ZFAND4: variants seen among roughly 807,000 people sequenced by gnomAD.
ZFAND4 encodes zinc finger AN1-type containing 4.
A neutral mutation model predicts 64.4 loss-of-function variants in ZFAND4; 43 were observed. The ratio of observed to expected loss-of-function variants is 0.67; its 90% CI spans 0.52 to 0.86. ZFAND4 has a LOEUF of 0.86. Among genes scored for constraint, ZFAND4 ranks in the 40% least tolerant of loss-of-function variants. The pLI, the probability that ZFAND4 is intolerant of heterozygous loss-of-function variation, is 0.00. For missense variants in ZFAND4, 929 were observed against 859.8 expected (o/e 1.08, Z -1.01); for synonymous variants, 296 against 305.7 (o/e 0.97, Z 0.33).
chr10:45,623,181 G>A (rs2045556557), intron 8 of ZFAND4, among the ~76,000 whole-genome samples: 1 of 152,222 alleles, frequency 6.6e-6, no homozygotes, highest in East Asian at 1.9e-4. Context: ...AATGAAACAT[G>A]GTACAGCAAC....
At chr10:45,625,626 T>C (rs970216252) in intron 7 of ZFAND4, among the ~76,000 whole-genome samples, 1 of 151,144 alleles carries the variant, frequency 6.6e-6, no homozygotes, top group Non-Finnish European at 1.5e-5. Context: ...TGTATTGGCA[T>C]GTTCCTATAT....
chr10:45,651,298 T>C (rs17157941), intron 4 of ZFAND4: 11,160 of 225,014 alleles, frequency 0.05, 437 homozygotes, highest in African/African-American at 0.12. Flanking sequence ...TGTCATCTTT[T>C]TCGAGGGCCC....
chr10:45,647,425 T>G (rs1297864917), intron 5 of ZFAND4, among the ~76,000 whole-genome samples: 3 of 92,672 alleles, frequency 3.2e-5, no homozygotes, highest in Non-Finnish European at 7.1e-5. Flanking sequence ...CTACAAGCTG[T>G]TTTTTTTTTT....
intron 1 of ZFAND4, among the ~76,000 whole-genome samples, chr10:45,667,660 G>A (rs957094890): frequency 6.6e-6 from 1 of 151,956 alleles, no homozygotes; most frequent in African/African-American, 2.4e-5. Flanking sequence ...GTAGAGACAA[G>A]GTTTTACCAA....
chr10:45,657,675 T>C (rs1448419284), intron 2 of ZFAND4, among the ~76,000 whole-genome samples: 1 of 152,086 alleles, frequency 6.6e-6, no homozygotes, highest in African/African-American at 2.4e-5. Context: ...CACCAAAAAC[T>C]AAAAACCACC....
chr10:45,672,652 G>T lies in ZFAND4; in HGVS notation c.-520C>A, dbSNP rs1445949221. The T allele has an allele frequency of 6.6e-6, 1 of 151,930 alleles. No homozygotes were observed. Among genetic ancestry groups the T allele is most frequent in the Non-Finnish European group, 1.5e-5 (1 of 67,938 alleles). The allele number at this position is 151,930 out of a possible 1,614,324, so 9.4% of individuals were successfully genotyped here. A position where few individuals can be genotyped will look rare whatever the true frequency, so the allele number is the denominator to read the frequency against. ...GGCTCGCAGCCCGGGCGCCCCCCCT[G>T]CCGGCCGCTCGCTAGCTCAGCCTCA... On this transcript the variant is annotated 5_prime_UTR_variant, in exon 1 of 10. Coordinates refer to ENST00000344646, the MANE Select transcript of ZFAND4 (RefSeq NM_174890.4).
chr10:45,641,404 A>G (rs2046988956), intron 5 of ZFAND4, among the ~76,000 whole-genome samples: 1 of 152,246 alleles, frequency 6.6e-6, no homozygotes, highest in Non-Finnish European at 1.5e-5. Context: ...TAAGAAATGG[A>G]AACAATTTAG....
At chr10:45,670,383 C>T (rs183822368) in intron 1 of ZFAND4, among the ~76,000 whole-genome samples, 54 of 152,128 alleles carry the variant, frequency 3.5e-4, no homozygotes, top group African/African-American at 8.2e-4. Context: ...TGTGCCACCA[C>T]GCCCGGCTAA....
chr10:45,627,026 TG>T lies in ZFAND4; in HGVS notation c.796del (p.His266ThrfsTer4), dbSNP rs2045882651. On this transcript the variant is annotated frameshift_variant, in exon 7 of 10. Transcript: ENST00000344646. LOFTEE classifies it high-confidence loss of function. ...GTTGGGGAGGACCCTTAACAATCGGTGGCGAGATGGTGCAGTGGAACCACTA... is the reference window on the plus strand; with the variant it reads ...GTTGGGGAGGACCCTTAACAATCGGTGCGAGATGGTGCAGTGGAACCACTA... ...PSSGSTAPSR[H>X]RLLRVLPNIG... 6.2e-7 allele frequency: 1 copy of T among 1,606,502 alleles called. No individual in the cohort carries two copies. The highest frequency in any genetic ancestry group is 2.2e-5 in the East Asian group (1 of 44,822).
In ZFAND4 at chr10:45,626,409, A is replaced by G. The variant is rs1401533916; in HGVS notation, c.1414T>C (p.Leu472=). ...GGTGCAGAACAGCGAAGAGGTGACA[A>G]GAGTCTATTCTTGTGAGGACTTAAT... is the stretch of plus-strand genomic sequence containing the variant. The part of the protein sequence containing the change: ...RELSPHKNRL[L]SPLRCSAPMS... Residue 472 remains leucine, a synonymous_variant, in exon 7 of 10, where the codon TTG becomes CTG. Transcript: ENST00000344646. The G allele has an allele frequency of 1.9e-6, 3 of 1,614,072 alleles. No individual in the cohort carries two copies. The highest frequency in any genetic ancestry group is 1.7e-5 in the Admixed American group (1 of 60,020).
chr10:45,667,461 T>TC (rs1278866186), intron 1 of ZFAND4, among the ~76,000 whole-genome samples: 2 of 63,898 alleles, frequency 3.1e-5, no homozygotes, highest in African/African-American at 7.7e-5. Flanking sequence ...TTTCTTTCTT[T>TC]TTTTTTTTTT....
At chr10:45,645,584 C>T (rs1294133283) in intron 5 of ZFAND4, among the ~76,000 whole-genome samples, 1 of 151,818 alleles carries the variant, frequency 6.6e-6, no homozygotes, top group Admixed American at 6.6e-5. Flanking sequence ...TGAATTTAAC[C>T]TAAAATTACA....
chr10:45,623,672 G>T (rs2045596029), intron 8 of ZFAND4, among the ~76,000 whole-genome samples: 1 of 152,090 alleles, frequency 6.6e-6, no homozygotes, highest in African/African-American at 2.4e-5. Context: ...TTTCAGTTTT[G>T]TAAGATGAAA....
chr10:45,626,980 A>G lies in ZFAND4; in HGVS notation c.843T>C (p.Pro281=). Residue 281 remains proline, a synonymous_variant, in exon 7 of 10, where the codon CCT becomes CCC. Transcript: ENST00000344646. ...CGGGCGGATATGCATTCCCAAAAGC[A>G]GGTGAACAAGATTGACCAATGTTGG... is the stretch of plus-strand genomic sequence containing the variant. ...VLPNIGQSCS[P]AFGNAYPPEI... 6.2e-7 allele frequency: 1 copy of G among 1,614,114 alleles called. No individual in the cohort carries two copies. The highest frequency in any genetic ancestry group is 8.5e-7 in the Non-Finnish European group (1 of 1,179,958).
chr10:45,631,045 G>A (rs796310443), intron 6 of ZFAND4, among the ~76,000 whole-genome samples: 13 of 151,922 alleles, frequency 8.6e-5, no homozygotes, highest in African/African-American at 2.2e-4. Flanking sequence ...AAGGCCGGGC[G>A]CGGTGGCTCA....
At chr10:45,647,458 A>G (rs1306374738) in intron 5 of ZFAND4, among the ~76,000 whole-genome samples, 3 of 140,782 alleles carry the variant, frequency 2.1e-5, no homozygotes, top group Non-Finnish European at 4.6e-5. Context: ...TTTTACCACT[A>G]CCTTTTTATT....
intron 6 of ZFAND4, among the ~76,000 whole-genome samples, chr10:45,628,884 A>G (rs2046015971): frequency 7.3e-6 from 1 of 137,652 alleles, no homozygotes; most frequent in Non-Finnish European, 1.6e-5. Context: ...ATGGAGAAGT[A>G]TGGAGCTTCA....
chr10:45,624,056 G>A (rs182131832), intron 8 of ZFAND4, among the ~76,000 whole-genome samples: 113 of 152,292 alleles, frequency 7.4e-4, no homozygotes, highest in African/African-American at 2.6e-3. Flanking sequence ...ACTGGCCGGT[G>A]CATCTTTAAT....
chr10:45,625,134 G>A (rs529210192), intron 7 of ZFAND4, among the ~76,000 whole-genome samples: 1 of 149,748 alleles, frequency 6.7e-6, no homozygotes, highest in African/African-American at 2.5e-5. Flanking sequence ...CCATGATTAT[G>A]CCACTGTGCT....
Sources: allele counts gnomAD v4.1 joint callset (sites outside exome capture counted in the v4.1 genomes callset), GRCh38; gene constraint gnomAD v4.1.1; transcripts MANE v1.5; gene names NCBI Gene and HGNC (gene_info 2026-07-23, HGNC 2026-07-21).